Variants in SDC2 observed in about 807,000 individuals in gnomAD.
SDC2 encodes syndecan 2.
Under a neutral mutation model 22.2 loss-of-function variants are expected in SDC2, and 13 were observed. That is an observed-to-expected ratio of 0.59 (90% confidence interval 0.38 to 0.93). The LOEUF (loss-of-function observed/expected upper bound fraction) is 0.93, where lower values mean the gene tolerates loss of function less well. Ranked by LOEUF, SDC2 falls within the 40% of genes least tolerant of loss-of-function variation. The pLI, the probability that SDC2 is intolerant of heterozygous loss-of-function variation, is 0.00. For missense variants in SDC2, 235 were observed against 246.8 expected (o/e 0.95, Z 0.32); for synonymous variants, 94 against 92.8 (o/e 1.01, Z -0.07).
intron 1 of SDC2, among the ~76,000 whole-genome samples, chr8:96,578,492 C>T (rs1814539779): frequency 6.6e-6 from 1 of 152,156 alleles, no homozygotes; most frequent in Non-Finnish European, 1.5e-5. Flanking sequence ...CAAATAAAAG[C>T]ATTCAGAGAG....
chr8:96,495,154 T>G (rs1813049848), intron 1 of SDC2, among the ~76,000 whole-genome samples: 1 of 152,150 alleles, frequency 6.6e-6, no homozygotes. Context: ...GACACGGCGC[T>G]CGGCTTCGGG....
intron 1 of SDC2, among the ~76,000 whole-genome samples, chr8:96,570,716 T>A (rs1476805268): frequency 6.6e-6 from 1 of 152,162 alleles, no homozygotes; most frequent in East Asian, 1.9e-4. Flanking sequence ...ATGAAAAAAA[T>A]ATATAAAATA....
At chr8:96,511,417 A>G (rs1244424954) in intron 1 of SDC2, among the ~76,000 whole-genome samples, 1 of 152,210 alleles carries the variant, frequency 6.6e-6, no homozygotes, top group Non-Finnish European at 1.5e-5. Context: ...ACTGAATCGT[A>G]TTTAAGTTTA....
intron 1 of SDC2, among the ~76,000 whole-genome samples, chr8:96,575,988 GA>G (rs780365656): frequency 5.4e-4 from 82 of 152,248 alleles, no homozygotes; most frequent in Non-Finnish European, 9.6e-4. Flanking sequence ...CGTTGTCAAA[GA>G]AACCTTTTCC....
rs543384250 is a variant in SDC2 at position 96,590,125 on chromosome 8, C to A, written c.61-3355C>A. Among the ~76,000 whole-genome samples the A allele has an allele frequency of 3.9e-5, 6 of 152,336 alleles. No homozygotes were observed. The South Asian group carries it at 1.2e-3, about 32-fold the overall frequency. On this transcript the variant is annotated intron_variant, in intron 1 of 4. Coordinates refer to ENST00000302190, the MANE Select transcript of SDC2 (RefSeq NM_002998.4). ...CCTCTTGGTCGTACCTTGTTGCTTTCCACAGCCTTCCTTTGCTCTCCTGTA... is the reference window on the plus strand; with the variant it reads ...CCTCTTGGTCGTACCTTGTTGCTTTACACAGCCTTCCTTTGCTCTCCTGTA...
intron 1 of SDC2, among the ~76,000 whole-genome samples, chr8:96,576,367 T>G (rs1308563771): frequency 7.8e-5 from 3 of 38,464 alleles, no homozygotes; most frequent in African/African-American, 2.4e-4. Context: ...ATTGGTAGTT[T>G]GTTTTTGTTT....
intron 1 of SDC2, among the ~76,000 whole-genome samples, chr8:96,503,416 T>G (rs1813194712): frequency 6.6e-6 from 1 of 152,200 alleles, no homozygotes; most frequent in Admixed American, 6.5e-5. Flanking sequence ...ACACAAAAAG[T>G]TAGATATAAA....
intron 1 of SDC2, among the ~76,000 whole-genome samples, chr8:96,515,410 C>T (rs986169853): frequency 2.6e-5 from 4 of 152,100 alleles, no homozygotes; most frequent in South Asian, 2.1e-4. Context: ...TGCTGTAGCT[C>T]GGATTTCTTC....
chr8:96,587,112 C>T (rs564027139), intron 1 of SDC2, among the ~76,000 whole-genome samples: 5 of 152,168 alleles, frequency 3.3e-5, no homozygotes, highest in South Asian at 2.1e-4. Flanking sequence ...TTAGTAGAGA[C>T]GGGGTTTCAC....
At chr8:96,533,998 G>A (rs1813710043) in intron 1 of SDC2, among the ~76,000 whole-genome samples, 3 of 152,172 alleles carry the variant, frequency 2.0e-5, no homozygotes, top group African/African-American at 4.8e-5. Flanking sequence ...GTGCAGTGCC[G>A]GCGGGCCAGC....
At chr8:96,537,159 A>G (rs1159902872) in intron 1 of SDC2, 1 of 152,188 alleles carries the variant, frequency 6.6e-6, no homozygotes, top group African/African-American at 2.4e-5. Context: ...TCCTAATTAC[A>G]TTTTGAGCAA....
At chr8:96,508,642 C>A (rs1244166049) in intron 1 of SDC2, among the ~76,000 whole-genome samples, 1 of 141,650 alleles carries the variant, frequency 7.1e-6, no homozygotes, top group South Asian at 2.2e-4. Flanking sequence ...TTACCATTAC[C>A]ACAGCCTTCT....
chr8:96,602,652 G>A, intron 3 of SDC2, 124 bp downstream of exon 3: 1 of 997,890 alleles, frequency 1.0e-6, no homozygotes, highest in East Asian at 2.5e-5. Flanking sequence ...CATGAACTAT[G>A]TACACAACAG....
chr8:96,531,997 G>A (rs1813669935), intron 1 of SDC2, among the ~76,000 whole-genome samples: 1 of 152,186 alleles, frequency 6.6e-6, no homozygotes, highest in Non-Finnish European at 1.5e-5. Context: ...CTGTAGACTA[G>A]CGACACCTTC....
chr8:96,574,981 C>T (rs922725989), intron 1 of SDC2, among the ~76,000 whole-genome samples: 1 of 152,196 alleles, frequency 6.6e-6, no homozygotes, highest in African/African-American at 2.4e-5. Context: ...AGATCCCTCA[C>T]ATGTGCAGTT....
intron 1 of SDC2, among the ~76,000 whole-genome samples, chr8:96,592,600 G>A (rs1814800500): frequency 6.6e-6 from 1 of 152,072 alleles, no homozygotes. Context: ...TCTGTCTCCA[G>A]TTCATGCAAG....
intron 1 of SDC2, among the ~76,000 whole-genome samples, chr8:96,566,127 A>G (rs1814295690): frequency 6.6e-6 from 1 of 152,202 alleles, no homozygotes; most frequent in Non-Finnish European, 1.5e-5. Flanking sequence ...CCTGTCATAG[A>G]TGTAAAGCAG....
intron 1 of SDC2, among the ~76,000 whole-genome samples, chr8:96,592,889 G>A (rs1586319817): frequency 6.6e-6 from 1 of 152,370 alleles, no homozygotes; most frequent in Middle Eastern, 3.4e-3. Flanking sequence ...TCCGGGCACT[G>A]TGGCTGGCCT....
At chr8:96,595,645 G>A (rs563501028) in intron 2 of SDC2, among the ~76,000 whole-genome samples, 1 of 152,276 alleles carries the variant, frequency 6.6e-6, no homozygotes, top group African/African-American at 2.4e-5. Context: ...GTACAGGTTG[G>A]CGAAGTCATT....
Sources: allele counts gnomAD v4.1 joint callset (sites outside exome capture counted in the v4.1 genomes callset), GRCh38; gene constraint gnomAD v4.1.1; transcripts MANE v1.5; gene names NCBI Gene and HGNC (gene_info 2026-07-23, HGNC 2026-07-21).